SHANK2: variants seen among roughly 807,000 people sequenced by gnomAD.
SHANK2 encodes SH3 and multiple ankyrin repeat domains 2.
Under a neutral mutation model 133.7 loss-of-function variants are expected in SHANK2, and 43 were observed. The ratio of observed to expected loss-of-function variants is 0.32; its 90% CI spans 0.25 to 0.41. SHANK2 has a LOEUF of 0.41. Among genes scored for constraint, SHANK2 ranks in the 10% least tolerant of loss-of-function variants. The pLI, the probability that SHANK2 is intolerant of heterozygous loss-of-function variation, is 1.00. For missense variants in SHANK2, 1,994 were observed against 2,235.8 expected (o/e 0.89, Z 2.18); for synonymous variants, 1,017 against 952.8 (o/e 1.07, Z -1.24).
At chr11:70,650,374 G>T (rs1167164269) in intron 17 of SHANK2, among the ~76,000 whole-genome samples, 1 of 152,144 alleles carries the variant, frequency 6.6e-6, no homozygotes, top group Non-Finnish European at 1.5e-5. Flanking sequence ...TGGAGGGAGG[G>T]GACATGCTGA....
At position 70,758,033 on chromosome 11, in the gene SHANK2, C is replaced by T. The variant is rs1433924461; in HGVS notation, c.1777+40410G>A. ...CCCTAAGCCCAGCTGGGAAGGTGAC[C>T]GCATCCACCTTTAAACACGGGGCTT... On this transcript the variant is annotated intron_variant, in intron 14 of 25. Coordinates refer to ENST00000601538, the MANE Select transcript of SHANK2 (RefSeq NM_012309.5). Among the ~76,000 whole-genome samples, 9 of 152,094 alleles carry T rather than the reference C, an allele frequency of 5.9e-5. 1 individual carries two copies. The South Asian group carries it at 1.2e-3, about 21-fold the overall frequency.
intron 1 of SHANK2, among the ~76,000 whole-genome samples, chr11:71,225,619 G>A (rs1555122085): frequency 6.6e-6 from 1 of 152,100 alleles, no homozygotes; most frequent in African/African-American, 2.4e-5. Context: ...ATCAAACCAA[G>A]GATCAGGAAG....
At chr11:70,724,581 G>A (rs1555030112) in intron 14 of SHANK2, among the ~76,000 whole-genome samples, 1 of 152,160 alleles carries the variant, frequency 6.6e-6, no homozygotes, top group Non-Finnish European at 1.5e-5. Flanking sequence ...TATCCTTTTG[G>A]AAATATCAGA....
At chr11:71,122,389 C>T (rs1437351148) in intron 3 of SHANK2, among the ~76,000 whole-genome samples, 3 of 152,224 alleles carry the variant, frequency 2.0e-5, no homozygotes, top group African/African-American at 7.2e-5. Context: ...AGCAAACTAT[C>T]GCAAGGACAG....
chr11:71,168,765 C>T (rs1953244508), intron 2 of SHANK2, among the ~76,000 whole-genome samples: 1 of 151,906 alleles, frequency 6.6e-6, no homozygotes, highest in African/African-American at 2.4e-5. Context: ...CCAGCTTCAG[C>T]TCGGCATCAG....
chr11:71,076,286 C>T (rs1231138150), intron 8 of SHANK2, among the ~76,000 whole-genome samples: 1 of 152,122 alleles, frequency 6.6e-6, no homozygotes, highest in Non-Finnish European at 1.5e-5. Context: ...CAAGGGCAGG[C>T]AGCCTAGGGG....
chr11:70,808,672 C>T (rs1056640009), intron 12 of SHANK2, among the ~76,000 whole-genome samples: 9 of 151,604 alleles, frequency 5.9e-5, no homozygotes, highest in African/African-American at 2.2e-4. Context: ...GAGGTCGCGG[C>T]TGCAGTGAGC....
intron 14 of SHANK2, among the ~76,000 whole-genome samples, chr11:70,717,626 A>C (rs1341074083): frequency 1.3e-5 from 2 of 152,150 alleles, no homozygotes; most frequent in African/African-American, 4.8e-5. Flanking sequence ...GCTCTCGTAA[A>C]GAACAAAGGC....
At chr11:71,198,554 C>T (rs112637674) in intron 2 of SHANK2, among the ~76,000 whole-genome samples, 10 of 152,252 alleles carry the variant, frequency 6.6e-5, no homozygotes, top group South Asian at 4.1e-4. Context: ...ACTACCACAT[C>T]GTGAGTCCAC....
chr11:71,173,058 C>A (rs1374853241), intron 2 of SHANK2, among the ~76,000 whole-genome samples: 1 of 152,254 alleles, frequency 6.6e-6, no homozygotes, highest in Non-Finnish European at 1.5e-5. Flanking sequence ...CGTCTCTTAG[C>A]AGGGAAAGGC....
chr11:70,551,280 G>A (rs1047378113), intron 17 of SHANK2, among the ~76,000 whole-genome samples: 2 of 152,168 alleles, frequency 1.3e-5, no homozygotes, highest in African/African-American at 4.8e-5. Flanking sequence ...TGAGACGGAG[G>A]CTGGAGCCTC....
intron 17 of SHANK2, among the ~76,000 whole-genome samples, chr11:70,580,170 G>A (rs1238115078): frequency 6.6e-6 from 1 of 152,240 alleles, no homozygotes; most frequent in Non-Finnish European, 1.5e-5. Flanking sequence ...GAAAGCCGTG[G>A]ACATCCACCA....
chr11:70,560,483 GTTTTTTTT>G (rs61143133), intron 17 of SHANK2, among the ~76,000 whole-genome samples: 1 of 96,004 alleles, frequency 1.0e-5, no homozygotes, highest in Non-Finnish European at 2.0e-5. Context: ...CCCCAGTAGG[GTTTTTTTT>G]TTTTTTTTTT....
rs191160638 is a variant in SHANK2 at position 70,845,251 on chromosome 11, T to C, written c.1175-24569A>G. On this transcript the variant is annotated intron_variant, in intron 11 of 25. Coordinates refer to ENST00000601538, the MANE Select transcript of SHANK2 (RefSeq NM_012309.5). Reference sequence around the variant, plus strand: ...GAAAGAAAGAAAAGAAAAGAAAATCTTTTTCTAAAATGAGGTATAGAGAAA... The same window carrying C: ...GAAAGAAAGAAAAGAAAAGAAAATCCTTTTCTAAAATGAGGTATAGAGAAA... Among the ~76,000 whole-genome samples, 4 of 150,860 alleles carry C rather than the reference T, an allele frequency of 2.7e-5. No homozygotes were observed. The East Asian group carries it at 7.8e-4, about 29-fold the overall frequency.
chr11:70,943,694 C>T (rs566170454), intron 10 of SHANK2, among the ~76,000 whole-genome samples: 9 of 152,194 alleles, frequency 5.9e-5, no homozygotes, highest in South Asian at 2.1e-4. Flanking sequence ...GATCAGGAGA[C>T]GGAGAAGAGG....
Position 71,074,785 on chromosome 11 carries a change from T to C in SHANK2, c.1029+374A>G, listed in dbSNP as rs1951197188. Among the ~76,000 whole-genome samples the C allele has an allele frequency of 2.7e-5, 4 of 146,540 alleles. No individual in the cohort carries two copies. The South Asian group carries it at 9.0e-4, about 33-fold the overall frequency. On this transcript the variant is annotated intron_variant, in intron 9 of 25. Transcript: ENST00000601538. ...CTGACCTAAGCCAATTTTTTTTTTT[T>C]TTTTTTTTTTTTGAGACGGAGTCTC... is the stretch of plus-strand genomic sequence containing the variant.
intron 19 of SHANK2, 82 bp from the exon 20 acceptor site, chr11:70,502,013 C>T (rs889213979): frequency 1.5e-5 from 22 of 1,473,140 alleles, no homozygotes; most frequent in Admixed American, 9.8e-5. Context: ...AACAACGCCC[C>T]GCGAGGCTCC....
intron 17 of SHANK2, among the ~76,000 whole-genome samples, chr11:70,636,599 ATGAG>A (rs1437678191): frequency 1.3e-4 from 15 of 112,270 alleles, no homozygotes; most frequent in Admixed American, 6.1e-4. Context: ...GTGTGAGTGT[ATGAG>A]TGTGTGTATG....
intron 10 of SHANK2, among the ~76,000 whole-genome samples, chr11:70,925,246 T>C (rs1950410576): frequency 6.6e-6 from 1 of 152,154 alleles, no homozygotes; most frequent in African/African-American, 2.4e-5. Context: ...AGCAACGTTA[T>C]GGAATAAATA....
Sources: gnomAD v4.1 joint callset for allele counts (sites outside exome capture counted in the v4.1 genomes callset) on GRCh38, gnomAD v4.1.1 for gene constraint, MANE v1.5 for transcripts, NCBI Gene and HGNC (gene_info 2026-07-23, HGNC 2026-07-21) for gene names.